IL1RAPL1: variants seen among roughly 807,000 people sequenced by gnomAD.
The protein encoded by IL1RAPL1 is interleukin-1 receptor accessory protein-like 1.
Under a neutral mutation model 48.4 loss-of-function variants are expected in IL1RAPL1, and 3 were observed. The observed-to-expected ratio is 0.06, with a 90% confidence interval of 0.03 to 0.16. The LOEUF (loss-of-function observed/expected upper bound fraction) is 0.16, where lower values mean the gene tolerates loss of function less well. IL1RAPL1 is among the 10% of genes least tolerant of loss of function. The pLI is 1.00. For missense variants in IL1RAPL1, 349 were observed against 530.6 expected (o/e 0.66, Z 3.36); for synonymous variants, 185 against 187.7 (o/e 0.99, Z 0.12).
chrX:29,858,099 A>G (rs1407003392), intron 6 of IL1RAPL1, among the ~76,000 whole-genome samples: 1 of 111,537 alleles, frequency 9.0e-6, no homozygotes, highest in African/African-American at 3.3e-5. Flanking sequence ...AGTTGAGGGT[A>G]GCAAATTGTG....
At chrX:28,940,256 G>A (rs1418543396) in intron 2 of IL1RAPL1, among the ~76,000 whole-genome samples, 4 of 110,861 alleles carry the variant, frequency 3.6e-5, no homozygotes, top group Non-Finnish European at 5.7e-5. Context: ...TCTCATAAAG[G>A]TAAAATGAGA....
intron 6 of IL1RAPL1, 45 bp downstream of exon 6, chrX:29,668,549 T>C (rs1236763043): frequency 3.3e-6 from 3 of 914,369 alleles, no homozygotes. Context: ...TCTCGTTACA[T>C]TGTGACAGTT....
intron 2 of IL1RAPL1, among the ~76,000 whole-genome samples, chrX:29,081,022 T>TCTCTCTCTTTC (rs1569232895): frequency 5.1e-5 from 2 of 39,221 alleles, no homozygotes; most frequent in Admixed American, 3.9e-4. Flanking sequence ...CTCTCTCTCT[T>TCTCTCTCTTTC]TCTTTTCTTT....
At chrX:29,464,004 G>C (rs1934834112) in intron 5 of IL1RAPL1, among the ~76,000 whole-genome samples, 1 of 111,454 alleles carries the variant, frequency 9.0e-6, no homozygotes, top group Non-Finnish European at 1.9e-5. Context: ...AAACCTACCT[G>C]ATATTTAACT....
At chrX:29,166,904 T>C (rs1602091510) in intron 2 of IL1RAPL1, among the ~76,000 whole-genome samples, 4 of 112,138 alleles carry the variant, frequency 3.6e-5, no homozygotes, top group African/African-American at 1.3e-4. Flanking sequence ...CTCCTTTTCA[T>C]GCGTGAATTT....
intron 5 of IL1RAPL1, among the ~76,000 whole-genome samples, chrX:29,656,480 A>T (rs982279974): frequency 9.0e-6 from 1 of 110,782 alleles, no homozygotes; most frequent in Non-Finnish European, 1.9e-5. Flanking sequence ...TTGTGTCCTC[A>T]TATCTTAGCT....
chrX:29,554,057 T>G (rs1161041662), intron 5 of IL1RAPL1, among the ~76,000 whole-genome samples: 1 of 110,741 alleles, frequency 9.0e-6, no homozygotes, highest in Non-Finnish European at 1.9e-5. Flanking sequence ...AGTCAATGAT[T>G]TTTAGTTTCT....
intron 6 of IL1RAPL1, among the ~76,000 whole-genome samples, chrX:29,720,602 A>G (rs7879481): frequency 0.089 from 9,751 of 109,886 alleles, 1,036 homozygotes; most frequent in African/African-American, 0.3. Flanking sequence ...GGGGCCTGTT[A>G]TGGGGTGGGG....
At chrX:29,395,912 C>A (rs1011625363) in intron 3 of IL1RAPL1, among the ~76,000 whole-genome samples, 11 of 112,562 alleles carry the variant, frequency 9.8e-5, no homozygotes, top group South Asian at 3.7e-4. Context: ...ATTGAATTTG[C>A]CAATTTTAGC....
At chrX:29,196,035 A>G (rs973079109) in intron 2 of IL1RAPL1, among the ~76,000 whole-genome samples, 2 of 112,230 alleles carry the variant, frequency 1.8e-5, no homozygotes, top group Non-Finnish European at 3.8e-5. Context: ...TTAGCTGCCA[A>G]AAAGTCCAGA....
chrX:28,967,276 T>C (rs1924944737), intron 2 of IL1RAPL1, among the ~76,000 whole-genome samples: 1 of 111,677 alleles, frequency 9.0e-6, no homozygotes, highest in African/African-American at 3.3e-5. Context: ...AAATAGGCAC[T>C]GAAGCTTTAT....
At chrX:29,312,754 C>T (rs1473463788) in intron 3 of IL1RAPL1, among the ~76,000 whole-genome samples, 1 of 111,592 alleles carries the variant, frequency 9.0e-6, no homozygotes, top group Non-Finnish European at 1.9e-5. Flanking sequence ...TTGAACTGTA[C>T]TCCCATAATT....
chrX:29,837,300 T>TACACACACAC (rs144007476), intron 6 of IL1RAPL1, among the ~76,000 whole-genome samples: 27 of 55,596 alleles, frequency 4.9e-4, no homozygotes, highest in African/African-American at 2.1e-3. Flanking sequence ...TATATATATA[T>TACACACACAC]ACACACACAC....
At chrX:28,639,177 C>A (rs961247772) in intron 1 of IL1RAPL1, among the ~76,000 whole-genome samples, 1 of 111,758 alleles carries the variant, frequency 8.9e-6, no homozygotes, top group Non-Finnish European at 1.9e-5. Flanking sequence ...TCCCATTCTC[C>A]CTCTGGGAGC....
At chrX:28,760,648 A>G (rs1013975506) in intron 1 of IL1RAPL1, among the ~76,000 whole-genome samples, 1 of 112,039 alleles carries the variant, frequency 8.9e-6, no homozygotes. Flanking sequence ...TCTTCTTTTT[A>G]AATATACTTC....
chrX:29,225,960 T>C (rs1332751575), intron 2 of IL1RAPL1, among the ~76,000 whole-genome samples: 1 of 110,972 alleles, frequency 9.0e-6, no homozygotes, highest in African/African-American at 3.3e-5. Flanking sequence ...TTGTCTAAAG[T>C]TGGGAGGGGG....
At chrX:29,131,273 T>C (rs1325948046) in intron 2 of IL1RAPL1, among the ~76,000 whole-genome samples, 1 of 83,955 alleles carries the variant, frequency 1.2e-5, no homozygotes, top group African/African-American at 3.7e-5. Flanking sequence ...TGTGTGTGTG[T>C]GTATATATAT....
intron 3 of IL1RAPL1, among the ~76,000 whole-genome samples, chrX:29,355,530 C>T (rs959030423): frequency 3.6e-5 from 4 of 112,380 alleles, no homozygotes; most frequent in African/African-American, 1.3e-4. Context: ...AAACAGCAAT[C>T]ATTTCTTTTT....
chrX:29,885,726 G>A (rs1324685590), intron 6 of IL1RAPL1, among the ~76,000 whole-genome samples: 2 of 111,517 alleles, frequency 1.8e-5, no homozygotes, highest in Non-Finnish European at 3.8e-5. Context: ...AGCTGAGGCG[G>A]GAGGTTCACT....
Sources: gnomAD v4.1 joint callset for allele counts (sites outside exome capture counted in the v4.1 genomes callset) on GRCh38, gnomAD v4.1.1 for gene constraint, MANE v1.5 for transcripts, NCBI Gene and HGNC (gene_info 2026-07-23, HGNC 2026-07-21) for gene names.